The following SV2C variants were observed in gnomAD, a reference collection of about 807,000 sequenced individuals.
SV2C encodes synaptic vesicle glycoprotein 2C, also known as solute carrier family 22 member B3.
A neutral mutation model predicts 79.7 loss-of-function variants in SV2C; 49 were observed. The observed-to-expected ratio is 0.61, with a 90% CI of 0.49 to 0.78. The LOEUF (loss-of-function observed/expected upper bound fraction) is 0.78. Ranked by LOEUF, SV2C falls within the 30% of genes least tolerant of loss-of-function variation. The pLI is 0.00. For missense variants in SV2C, 833 were observed against 912.9 expected, an observed-to-expected ratio of 0.91 and a Z score of 1.13; for synonymous variants, 334 against 333.2, an observed-to-expected ratio of 1.00 and a Z score of -0.03.
At chr5:76,095,337 C>G (rs529380214) in intron 1 of SV2C, among the ~76,000 whole-genome samples, 1 of 152,032 alleles carries the variant, frequency 6.6e-6, no homozygotes, top group East Asian at 1.9e-4. Flanking sequence ...TGATATGCCT[C>G]TTATTAATTA....
At chr5:75,922,021 G>A in the SV2C span, among the ~76,000 whole-genome samples, 11 of 151,952 alleles carry the variant, frequency 7.2e-5, no homozygotes, top group African/African-American at 2.7e-4. Flanking sequence ...AGAGATCATC[G>A]AAAACTGAAT....
At chr5:76,047,789 G>A in the SV2C span, among the ~76,000 whole-genome samples, 3 of 133,756 alleles carry the variant, frequency 2.2e-5, no homozygotes, top group African/African-American at 8.2e-5. Context: ...TTTTTGAGAC[G>A]GAGTCTTGCT....
the SV2C span, among the ~76,000 whole-genome samples, chr5:75,955,639 C>T: frequency 6.8e-6 from 1 of 147,472 alleles, no homozygotes; most frequent in African/African-American, 2.5e-5. Context: ...TTTTCACAAC[C>T]TACTCATCTG....
chr5:75,910,399 G>A, the SV2C span: 1 of 588,092 alleles, frequency 1.7e-6, no homozygotes, highest in African/African-American at 1.9e-5. Flanking sequence ...CACTGCTGTA[G>A]ATTTCCTGCA....
At chr5:75,951,590 G>T in the SV2C span, among the ~76,000 whole-genome samples, 1 of 152,024 alleles carries the variant, frequency 6.6e-6, no homozygotes, top group South Asian at 2.1e-4. Context: ...GGTAATAAAA[G>T]AGATTCCAAT....
chr5:76,184,168 T>A (rs1743836839), intron 2 of SV2C, among the ~76,000 whole-genome samples: 2 of 152,188 alleles, frequency 1.3e-5, no homozygotes. Context: ...AACCTCTGGG[T>A]GTGGCCTGGC....
intron 2 of SV2C, among the ~76,000 whole-genome samples, chr5:76,190,161 C>G (rs1256742061): frequency 6.6e-6 from 1 of 152,100 alleles, no homozygotes; most frequent in Admixed American, 6.5e-5. Flanking sequence ...AACTGGCCAA[C>G]TGATGTTAAA....
At chr5:76,317,304 G>C (rs1421521588) in intron 12 of SV2C, among the ~76,000 whole-genome samples, 5 of 152,036 alleles carry the variant, frequency 3.3e-5, no homozygotes, top group Admixed American at 3.3e-4. Flanking sequence ...CTGATTTAAG[G>C]ACTGCCTATA....
chr5:76,088,150 A>T (rs2112090523), intron 1 of SV2C, among the ~76,000 whole-genome samples: 1 of 152,060 alleles, frequency 6.6e-6, no homozygotes, highest in African/African-American at 2.4e-5. Flanking sequence ...TAATATATTA[A>T]CTCCTTATGC....
the SV2C span, among the ~76,000 whole-genome samples, chr5:75,956,502 T>A: frequency 6.6e-6 from 1 of 151,812 alleles, no homozygotes; most frequent in Admixed American, 6.6e-5. Context: ...CATATGTAAC[T>A]AACCTGCACA....
chr5:75,893,186 C>T, the SV2C span, among the ~76,000 whole-genome samples: 1 of 152,036 alleles, frequency 6.6e-6, no homozygotes, highest in African/African-American at 2.4e-5. Flanking sequence ...TGATGTTGAA[C>T]ATTTTTTGAT....
chr5:76,286,588 A>G (rs182853669), intron 6 of SV2C: 1 of 152,324 alleles, frequency 6.6e-6, no homozygotes, highest in East Asian at 1.9e-4. Flanking sequence ...GATCAAAGCA[A>G]TGTAACAACA....
the SV2C span, among the ~76,000 whole-genome samples, chr5:75,972,514 G>A: frequency 7.2e-5 from 11 of 152,016 alleles, no homozygotes; most frequent in South Asian, 8.3e-4. Context: ...AAAACTGGGC[G>A]AAGGATATGA....
At chr5:75,917,561 G>A in the SV2C span, among the ~76,000 whole-genome samples, 8 of 152,134 alleles carry the variant, frequency 5.3e-5, no homozygotes, top group East Asian at 1.9e-4. Context: ...AATAAGCCAG[G>A]CACAGAAAGG....
At chr5:75,990,138 C>A in the SV2C span, among the ~76,000 whole-genome samples, 2 of 152,028 alleles carry the variant, frequency 1.3e-5, no homozygotes, top group African/African-American at 4.8e-5. Flanking sequence ...TGCAAAAGCT[C>A]TTTTATTTAA....
At chr5:75,875,100 CA>C in the SV2C span, among the ~76,000 whole-genome samples, 1 of 151,900 alleles carries the variant, frequency 6.6e-6, no homozygotes, top group Non-Finnish European at 1.5e-5. Context: ...CATATGGAAC[CA>C]AAAAAGAGCC....
At chr5:76,126,192 G>A (rs1025310295) in intron 1 of SV2C, among the ~76,000 whole-genome samples, 4 of 152,194 alleles carry the variant, frequency 2.6e-5, no homozygotes, top group Non-Finnish European at 5.9e-5. Flanking sequence ...TTGAATGCCA[G>A]GAGGAAACCA....
chr5:76,109,375 G>T (rs1181710488), intron 1 of SV2C, among the ~76,000 whole-genome samples: 2 of 152,150 alleles, frequency 1.3e-5, no homozygotes, highest in African/African-American at 4.8e-5. Flanking sequence ...TTAAAAATTT[G>T]AGGGGGAAGG....
the SV2C span, among the ~76,000 whole-genome samples, chr5:75,936,847 C>A: frequency 6.6e-6 from 1 of 152,206 alleles, no homozygotes; most frequent in Non-Finnish European, 1.5e-5. Context: ...GCCAGTTGAG[C>A]AGTGTGTCAA....
Sources: gnomAD v4.1 joint callset for allele counts (sites outside exome capture counted in the v4.1 genomes callset) on GRCh38, gnomAD v4.1.1 for gene constraint, MANE v1.5 for transcripts, NCBI Gene and HGNC (gene_info 2026-07-23, HGNC 2026-07-21) for gene names.